Variants in PPM1A observed in about 807,000 individuals in gnomAD.
The protein encoded by PPM1A is protein phosphatase, Mg2+/Mn2+ dependent 1A, also known as protein phosphatase 1A.
In PPM1A, 7 loss-of-function variants were observed where a neutral mutation model predicts 35.0. That is an observed-to-expected ratio of 0.20 (90% CI 0.11 to 0.38). The LOEUF (loss-of-function observed/expected upper bound fraction) is 0.38, where lower values mean the gene tolerates loss of function less well. Among genes scored for constraint, PPM1A ranks in the 10% least tolerant of loss-of-function variants. The pLI is 1.00. For missense variants in PPM1A, 239 were observed against 467.8 expected (o/e 0.51, Z 4.51); for synonymous variants, 153 against 167.3 (o/e 0.91, Z 0.66).
At chr14:60,246,769 T>C (rs1238236266), upstream of PPM1A, among the ~76,000 whole-genome samples, 1 of 152,236 alleles carries the variant, frequency 6.6e-6, no homozygotes. Flanking sequence ...AGTTTCCTAG[T>C]TCATACCAAA....
At chr14:60,276,944 A>C in intron 1 of PPM1A, 1 of 787,868 alleles carries the variant, frequency 1.3e-6, no homozygotes, top group Non-Finnish European at 1.6e-6. Context: ...AAAAGGTACA[A>C]AATGTTCATG....
At chr14:60,245,869 T>C (rs1039966452), upstream of PPM1A, 43 of 1,591,912 alleles carry the variant, frequency 2.7e-5, no homozygotes, top group Non-Finnish European at 3.3e-5. The surrounding 1 kb of genome is among the most constrained non-coding windows in gnomAD (Gnocchi z 4.2). Context: ...TGGGAGAAAA[T>C]GGGTAGCAGA....
chr14:60,268,401 G>A, intron 1 of PPM1A: 3 of 968,802 alleles, frequency 3.1e-6, no homozygotes, highest in Non-Finnish European at 3.7e-6. Context: ...TGTACAGAGT[G>A]ATTTATTTTA....
At chr14:60,291,057 A>G (rs1407247102) in intron 4 of PPM1A, among the ~76,000 whole-genome samples, 2 of 152,178 alleles carry the variant, frequency 1.3e-5, no homozygotes, top group African/African-American at 4.8e-5. Context: ...TGTTAGTATT[A>G]TATCTTAAGA....
intron 1 of PPM1A, among the ~76,000 whole-genome samples, chr14:60,258,617 T>A (rs1266184795): frequency 6.6e-6 from 1 of 152,166 alleles, no homozygotes; most frequent in East Asian, 1.9e-4. Context: ...ATTTTCTTTT[T>A]AGAAATCCAC....
chr14:60,278,426 G>A (rs1480909000), intron 1 of PPM1A, among the ~76,000 whole-genome samples: 2 of 150,514 alleles, frequency 1.3e-5, no homozygotes, highest in African/African-American at 2.4e-5. Flanking sequence ...GCTAAAAGCC[G>A]AGATAATTTA....
intron 1 of PPM1A, among the ~76,000 whole-genome samples, chr14:60,258,742 T>C (rs868143694): frequency 1.3e-5 from 2 of 152,116 alleles, no homozygotes; most frequent in Admixed American, 6.5e-5. Context: ...GCATAGAAGA[T>C]AATCAGTGTT....
intron 3 of PPM1A, chr14:60,286,962 T>C (rs1186021901): frequency 4.5e-6 from 4 of 887,846 alleles, no homozygotes; most frequent in Non-Finnish European, 5.4e-6. Context: ...TAGTACAATT[T>C]TAAAATATTT....
intron 1 of PPM1A, among the ~76,000 whole-genome samples, chr14:60,266,170 T>A (rs1884358207): frequency 6.6e-6 from 1 of 152,166 alleles, no homozygotes; most frequent in Admixed American, 6.5e-5. Context: ...TATTACCCAT[T>A]TATATTCTTT....
intron 4 of PPM1A, among the ~76,000 whole-genome samples, 155 bp downstream of exon 4, chr14:60,290,069 A>T (rs577015089): frequency 6.6e-6 from 1 of 152,150 alleles, no homozygotes; most frequent in Admixed American, 6.5e-5. Flanking sequence ...TAGAATATCT[A>T]GAGTTTGTTT....
At chr14:60,284,533 G>A (rs575392664) in intron 2 of PPM1A, among the ~76,000 whole-genome samples, 1 of 150,884 alleles carries the variant, frequency 6.6e-6, no homozygotes, top group Admixed American at 6.6e-5. Flanking sequence ...TCCCAGCTAC[G>A]CGGGAGGCTG....
chr14:60,292,089 T>C lies in PPM1A; in HGVS notation c.1120-364T>C, dbSNP rs1336125366. On this transcript the variant is annotated intron_variant, in intron 5 of 5. Coordinates refer to ENST00000395076, the MANE Select transcript of PPM1A (RefSeq NM_021003.5). The surrounding 1 kb of genome is among the most constrained non-coding windows in gnomAD (Gnocchi z 4.2). ...TTGCATTATGAAGCTTCCTCACATA[T>C]TGAGTTCTTAATCTTTTCTGATGCA... Among the ~76,000 whole-genome samples the C allele has an allele frequency of 6.6e-6, 1 of 152,146 alleles. No individual in the cohort carries two copies. Among genetic ancestry groups the C allele is most frequent in the South Asian group, 2.1e-4 (1 of 4,832 alleles).
rs1882141268 is a variant in PPM1A at position 60,249,878 on chromosome 14, G to A, written c.-21+201G>A. ...CGGCGAGGGGTTAACGCTCGGCGAGGGCGGTGGCGGGGAGGCGGGGGCGGG... is the reference window on the plus strand; with the variant it reads ...CGGCGAGGGGTTAACGCTCGGCGAGAGCGGTGGCGGGGAGGCGGGGGCGGG... On this transcript the variant is annotated intron_variant, in intron 1 of 5. Transcript: ENST00000395076. The surrounding 1 kb of genome is among the most constrained non-coding windows in gnomAD (Gnocchi z 4.5). Among the ~76,000 whole-genome samples, 1 of 151,240 alleles carries A rather than the reference G, an allele frequency of 6.6e-6. No individual in the cohort carries two copies. Among genetic ancestry groups the A allele is most frequent in the Non-Finnish European group, 1.5e-5 (1 of 67,816 alleles).
chr14:60,291,435 C>T lies in PPM1A; in HGVS notation c.1100C>T (p.Pro367Leu), dbSNP rs760730321. 1 of 1,576,896 alleles carries T rather than the reference C, an allele frequency of 6.3e-7. No individual in the cohort carries two copies. Among genetic ancestry groups the T allele is most frequent in the Non-Finnish European group, 8.6e-7 (1 of 1,156,628 alleles). Residue 367 changes from proline (P) to leucine (L), a missense_variant, in exon 5 of 6, where the codon CCT becomes CTT. Pro to Leu is a moderately conservative substitution (Grantham distance 98). Transcript: ENST00000395076. ...GAAGCCGTTTACAATAGACTGAATC[C>T]TTACAAAAATGACGACACTGTAAGT... Reference protein sequence around the residue: ...VIEAVYNRLNPYKNDDTDSTS... With the variant: ...VIEAVYNRLNLYKNDDTDSTS...
At chr14:60,291,851 G>T (rs917192836) in intron 5 of PPM1A, among the ~76,000 whole-genome samples, 1 of 148,862 alleles carries the variant, frequency 6.7e-6, no homozygotes, top group Non-Finnish European at 1.5e-5. Flanking sequence ...CGGAATGTCT[G>T]TCTCAACTAA....
chr14:60,280,149 G>T (rs1449020144), intron 1 of PPM1A, among the ~76,000 whole-genome samples: 2 of 152,150 alleles, frequency 1.3e-5, no homozygotes, highest in Non-Finnish European at 2.9e-5. Flanking sequence ...GGGATTACGG[G>T]CATGCGCCAC....
rs552977846 is a variant in PPM1A at position 60,277,018 on chromosome 14, A to G, written c.-20-5666A>G. On this transcript the variant is annotated intron_variant, in intron 1 of 5. Transcript: ENST00000395076. ...TTTTTGTCATAGTACTTTGTTTTGA[A>G]AAGTTCAGATCAACTGATAATACTA... The G allele has an allele frequency of 3.3e-5, 39 of 1,171,022 alleles. No individual in the cohort carries two copies. The South Asian group carries it at 5.3e-4, about 16-fold the overall frequency. 72.5% of individuals were successfully genotyped at this position (1,171,022 alleles called of 1,614,324 possible). A position where few individuals can be genotyped will look rare whatever the true frequency, so the allele number is the denominator to read the frequency against.
At chr14:60,271,990 A>G (rs1885187467) in intron 1 of PPM1A, among the ~76,000 whole-genome samples, 1 of 151,852 alleles carries the variant, frequency 6.6e-6, no homozygotes, top group Non-Finnish European at 1.5e-5. Flanking sequence ...AGTATCGCAT[A>G]TTGGATAGAC....
chr14:60,279,706 T>C (rs982686383), intron 1 of PPM1A, among the ~76,000 whole-genome samples: 1 of 152,172 alleles, frequency 6.6e-6, no homozygotes, highest in Non-Finnish European at 1.5e-5. Context: ...TATTGCCAGA[T>C]GGATGAGAAA....
Sources: gnomAD v4.1 joint callset for allele counts (sites outside exome capture counted in the v4.1 genomes callset) on GRCh38, gnomAD v4.1.1 for gene constraint, Gnocchi (gnomAD v3.1) non-coding constraint, MANE v1.5 for transcripts, NCBI Gene and HGNC (gene_info 2026-07-23, HGNC 2026-07-21) for gene names.